The following DSTYK variants were observed in gnomAD, a reference collection of about 807,000 sequenced individuals.
The protein encoded by DSTYK is RIP-homologous kinase.
DSTYK carries 34 observed loss-of-function variants against 98.7 expected under a neutral mutation model. That is an observed-to-expected ratio of 0.34 (90% CI 0.26 to 0.46). The LOEUF (loss-of-function observed/expected upper bound fraction) is 0.46. Among genes scored for constraint, DSTYK ranks in the 20% least tolerant of loss-of-function variants. The pLI, the probability that DSTYK is intolerant of heterozygous loss-of-function variation, is 1.00. For synonymous variants in DSTYK, 462 were observed against 457.3 expected (o/e 1.01, Z -0.13); for missense variants, 962 against 1,181.7 (o/e 0.81, Z 2.73).
At position 205,143,055 on chromosome 1, in the gene DSTYK, G is replaced by A. The variant is rs1657119386; in HGVS notation, c.*4503C>T. On this transcript the variant is annotated 3_prime_UTR_variant, in exon 13 of 13. Transcript: ENST00000367162. ...CTCCAGGAGAGTTTGGAATACAAGT[G>A]TCTCAAGGCCACTCCCTCCTTACCC... is the stretch of plus-strand genomic sequence containing the variant. 6.6e-6 allele frequency: 1 copy of A among 152,208 alleles called. No individual in the cohort carries two copies. Among genetic ancestry groups the A allele is most frequent in the Non-Finnish European group, 1.5e-5 (1 of 68,004 alleles). The allele number at this position is 152,208 out of a possible 1,614,324, so 9.4% of individuals were successfully genotyped here. A position where few individuals can be genotyped will look rare whatever the true frequency, so the allele number is the denominator to read the frequency against.
intron 1 of DSTYK, among the ~76,000 whole-genome samples, chr1:205,206,622 G>A (rs575199260): frequency 5.8e-4 from 78 of 135,286 alleles, no homozygotes; most frequent in Non-Finnish European, 1.1e-3. Context: ...TTGCTTTGTC[G>A]CCCAGGCTGG....
rs910257581 is a variant in DSTYK at position 205,209,095 on chromosome 1, A to T, written c.265+2176T>A. ...TGCAGTCAACTGGAAAAGCCAATGA[A>T]GTGAAATGCAAAGGTATATTTGTAT... On this transcript the variant is annotated intron_variant, in intron 1 of 12. Coordinates refer to ENST00000367162, the MANE Select transcript of DSTYK (RefSeq NM_015375.3). Among the ~76,000 whole-genome samples the T allele has an allele frequency of 3.3e-5, 5 of 152,354 alleles. No homozygotes were observed. The East Asian group carries it at 7.7e-4, about 23-fold the overall frequency.
At chr1:205,162,873 T>C (rs1400248030) in intron 5 of DSTYK, 50 bp downstream of exon 5, 3 of 1,407,042 alleles carry the variant, frequency 2.1e-6, no homozygotes, top group South Asian at 2.3e-5. Flanking sequence ...CTATGATTCA[T>C]TTGAGCCAAC....
intron 9 of DSTYK, among the ~76,000 whole-genome samples, chr1:205,157,761 CAA>C (rs11404936): frequency 5.6e-5 from 6 of 107,990 alleles, no homozygotes; most frequent in Non-Finnish European, 8.7e-5. Flanking sequence ...GACTCTGTCT[CAA>C]AAAAAAAAAA....
At chr1:205,167,582 G>C (rs1352341005) in intron 3 of DSTYK, among the ~76,000 whole-genome samples, 1 of 152,132 alleles carries the variant, frequency 6.6e-6, no homozygotes, top group Non-Finnish European at 1.5e-5. Flanking sequence ...AAGAAGTTAA[G>C]ACCAACTGAC....
At chr1:205,203,502 G>A (rs1205192355) in intron 1 of DSTYK, among the ~76,000 whole-genome samples, 1 of 90,902 alleles carries the variant, frequency 1.1e-5, no homozygotes, top group Non-Finnish European at 2.2e-5. Flanking sequence ...GGGAGGGGAG[G>A]GGTAGGGTAG....
rs970311866 is a variant in DSTYK at position 205,202,520 on chromosome 1, C to A, written c.265+8751G>T. 15 of 860,988 alleles carry A rather than the reference C, an allele frequency of 1.7e-5. 2 individuals carry two copies. The South Asian group carries it at 2.0e-4, about 11-fold the overall frequency. The allele number at this position is 860,988 out of a possible 1,614,324, so 53.3% of individuals were successfully genotyped here. Reference sequence around the variant, plus strand: ...GAACTTAAGGGTTTAGATGTAGATTCTCTGGTCGTTGGGCATATCAAAGTG... The same window carrying A: ...GAACTTAAGGGTTTAGATGTAGATTATCTGGTCGTTGGGCATATCAAAGTG... On this transcript the variant is annotated intron_variant, in intron 1 of 12. Coordinates refer to ENST00000367162, the MANE Select transcript of DSTYK (RefSeq NM_015375.3).
chr1:205,149,714 T>C (rs918251888), intron 11 of DSTYK, among the ~76,000 whole-genome samples: 1 of 152,212 alleles, frequency 6.6e-6, no homozygotes, highest in Admixed American at 6.5e-5. Context: ...CATTTTCCTC[T>C]GTCCCCTACT....
At chr1:205,171,001 T>C (rs1658044215) in intron 2 of DSTYK, among the ~76,000 whole-genome samples, 1 of 150,172 alleles carries the variant, frequency 6.7e-6, no homozygotes, top group Non-Finnish European at 1.5e-5. Context: ...AGCTCTCAGT[T>C]ACCTAGCTTC....
chr1:205,161,509 T>A (rs867684062), intron 6 of DSTYK, 122 bp from the exon 7 acceptor site: 2 of 1,062,130 alleles, frequency 1.9e-6, no homozygotes, highest in Admixed American at 5.5e-5. Context: ...ACAAGATACA[T>A]GTAACATGTT....
chr1:205,163,825 A>G lies in DSTYK; in HGVS notation c.1455T>C (p.Asp485=). 1 of 1,614,126 alleles carries G rather than the reference A, an allele frequency of 6.2e-7. No homozygotes were observed. Among genetic ancestry groups the G allele is most frequent in the South Asian group, 1.1e-5 (1 of 91,066 alleles). The change falls in exon 4 of 13, where the codon GAT becomes GAC. Residue 485 remains aspartate (D), a synonymous_variant. Transcript: ENST00000367162. ...AVANKLISSV[D]YLRESFVGTL... ...TTCCGACGAAGCTTTCCCTCAGGTA[A>G]TCCACTGAGCTGATCAGCTTATTAG...
intron 8 of DSTYK, 69 bp downstream of exon 8, chr1:205,160,045 A>T: frequency 1.3e-6 from 2 of 1,578,812 alleles, no homozygotes; most frequent in Non-Finnish European, 1.7e-6. Context: ...TCTTGGTACA[A>T]AATCTAAACC....
chr1:205,149,811 C>T (rs1447162476), intron 11 of DSTYK, among the ~76,000 whole-genome samples: 1 of 152,192 alleles, frequency 6.6e-6, no homozygotes, highest in Non-Finnish European at 1.5e-5. Context: ...TATCTCCAAC[C>T]TTGTTTGCTA....
chr1:205,161,250 A>T lies in DSTYK; in HGVS notation c.1948+8T>A. ...CCTCCAGTTTATCTAGAAGAAAACC[A>T]GACTCACGATGAAGCAAGACATCCT... On this transcript the variant is annotated splice_region_variant and intron_variant, in intron 7 of 12. Transcript: ENST00000367162. The T allele has an allele frequency of 6.2e-7, 1 of 1,613,848 alleles. No homozygotes were observed. The highest frequency in any genetic ancestry group is 8.5e-7 in the Non-Finnish European group (1 of 1,179,874).
intron 2 of DSTYK, among the ~76,000 whole-genome samples, chr1:205,178,236 T>C (rs1426452081): frequency 6.6e-6 from 1 of 151,754 alleles, no homozygotes; most frequent in African/African-American, 2.4e-5. Context: ...TCTCAACTCA[T>C]GAGCATGAAG....
intron 1 of DSTYK, chr1:205,202,565 G>A (rs922165514): frequency 1.3e-5 from 13 of 965,902 alleles, no homozygotes; most frequent in East Asian, 4.8e-5. Flanking sequence ...CCTAAGATGC[G>A]CCGCTGGACC....
intron 9 of DSTYK, among the ~76,000 whole-genome samples, chr1:205,157,777 A>AG (rs1657606663): frequency 6.6e-6 from 1 of 150,710 alleles, no homozygotes; most frequent in African/African-American, 2.4e-5. Flanking sequence ...AAAAAAAAAA[A>AG]GGTTGGGGGA....
chr1:205,187,539 A>C lies in DSTYK; in HGVS notation c.533T>G (p.Val178Gly), dbSNP rs903310578. 7 of 1,614,096 alleles carry C rather than the reference A, an allele frequency of 4.3e-6. No individual in the cohort carries two copies. The highest frequency in any genetic ancestry group is 5.9e-6 in the Non-Finnish European group (7 of 1,180,026). ...PGQYELVHTL[V>G]AHQGNWETIP... ...GGTCTCCCAGTTGCCCTGATGAGCA[A>C]CCAGCGTGTGCACTAGTTCATACTG... Residue 178 changes from valine (V) to glycine (G), a missense_variant, in exon 2 of 13, where the codon GTT (valine) becomes GGT (glycine). Physicochemically the swap from Val to Gly is moderately radical, Grantham distance 109 (BLOSUM62 -3). This residue lies in a region of DSTYK where 660 missense variants were observed against 855.0 expected (regional missense o/e 0.77). Coordinates refer to ENST00000367162, the MANE Select transcript of DSTYK (RefSeq NM_015375.3).
At chr1:205,163,177 G>A (rs1302566803) in intron 4 of DSTYK, among the ~76,000 whole-genome samples, 171 bp from the exon 5 acceptor site, 1 of 151,698 alleles carries the variant, frequency 6.6e-6, no homozygotes, top group African/African-American at 2.4e-5. Flanking sequence ...TGACTATCTA[G>A]CCCCTTCTAC....
Sources: gnomAD v4.1 joint callset for allele counts (sites outside exome capture counted in the v4.1 genomes callset) on GRCh38, gnomAD v4.1.1 for gene constraint, gnomAD v4.1.1 regional missense constraint, MANE v1.5 for transcripts, NCBI Gene and HGNC (gene_info 2026-07-23, HGNC 2026-07-21) for gene names.